AKAP6: variants seen among roughly 807,000 people sequenced by gnomAD.
AKAP6 encodes the protein A-kinase anchor protein 6.
In AKAP6, 58 loss-of-function variants were observed where a neutral mutation model predicts 188.5. The observed-to-expected ratio is 0.31, with a 90% CI of 0.25 to 0.38. The LOEUF (loss-of-function observed/expected upper bound fraction) is 0.38, where lower values mean the gene tolerates loss of function less well. Among genes scored for constraint, AKAP6 ranks in the 10% least tolerant of loss-of-function variants. The pLI is 1.00. For missense variants in AKAP6, 2,710 were observed against 2,740.0 expected, an observed-to-expected ratio of 0.99 and a Z score of 0.24; for synonymous variants, 989 against 998.6, an observed-to-expected ratio of 0.99 and a Z score of 0.18.
intron 3 of AKAP6, among the ~76,000 whole-genome samples, chr14:32,542,377 G>T (rs1447589512): frequency 6.6e-6 from 1 of 152,150 alleles, no homozygotes; most frequent in African/African-American, 2.4e-5. Context: ...TGTGCTACGA[G>T]TACCCTGGTA....
At chr14:32,656,520 A>C (rs916947845) in intron 7 of AKAP6, among the ~76,000 whole-genome samples, 40 of 152,196 alleles carry the variant, frequency 2.6e-4, no homozygotes, top group Non-Finnish European at 3.7e-4. Flanking sequence ...AGATTTATTC[A>C]GTCCTCACTG....
At chr14:32,500,628 T>C (rs1313818237) in intron 2 of AKAP6, among the ~76,000 whole-genome samples, 1 of 152,126 alleles carries the variant, frequency 6.6e-6, no homozygotes, top group East Asian at 1.9e-4. Flanking sequence ...TGGTGAAGAT[T>C]TGAGTACAGA....
intron 7 of AKAP6, among the ~76,000 whole-genome samples, chr14:32,631,481 A>G (rs1887271120): frequency 6.6e-6 from 1 of 152,112 alleles, no homozygotes; most frequent in Non-Finnish European, 1.5e-5. Flanking sequence ...ATGGCAAGAA[A>G]GTTAGTAAAC....
chr14:32,704,015 G>C (rs1198359210), intron 9 of AKAP6, among the ~76,000 whole-genome samples: 1 of 152,138 alleles, frequency 6.6e-6, no homozygotes, highest in Non-Finnish European at 1.5e-5. Context: ...TCTCCTGAAG[G>C]CTATCCGTTT....
At chr14:32,436,499 T>C (rs182727420) in intron 2 of AKAP6, among the ~76,000 whole-genome samples, 1 of 152,326 alleles carries the variant, frequency 6.6e-6, no homozygotes, top group East Asian at 1.9e-4. Context: ...AAAGTTACTC[T>C]CTTCTCTCCA....
intron 1 of AKAP6, among the ~76,000 whole-genome samples, chr14:32,428,527 A>G (rs1890110178): frequency 6.6e-6 from 1 of 152,128 alleles, no homozygotes; most frequent in South Asian, 2.1e-4. Flanking sequence ...GAGCCAAATG[A>G]TTAATCCTGA....
chr14:32,588,149 A>C (rs887215263), intron 5 of AKAP6, among the ~76,000 whole-genome samples: 2 of 152,212 alleles, frequency 1.3e-5, no homozygotes, highest in African/African-American at 4.8e-5. Flanking sequence ...GAACCTTTTT[A>C]TGGAAAAATG....
At chr14:32,724,420 C>CA (rs1318467694) in intron 9 of AKAP6, among the ~76,000 whole-genome samples, 22 of 152,140 alleles carry the variant, frequency 1.4e-4, no homozygotes, top group Non-Finnish European at 2.1e-4. Flanking sequence ...GAAGTGCATA[C>CA]GCCTGATCCA....
chr14:32,692,521 A>G (rs1890225747), intron 8 of AKAP6, among the ~76,000 whole-genome samples: 1 of 152,206 alleles, frequency 6.6e-6, no homozygotes, highest in South Asian at 2.1e-4. Flanking sequence ...TTAATATAGT[A>G]AAAACAAAAT....
At chr14:32,747,794 G>T (rs764564281) in intron 11 of AKAP6, among the ~76,000 whole-genome samples, 21 of 152,194 alleles carry the variant, frequency 1.4e-4, no homozygotes, top group Non-Finnish European at 2.1e-4. Context: ...AAAAGAAAAT[G>T]GAATAGCAGC....
intron 11 of AKAP6, among the ~76,000 whole-genome samples, chr14:32,746,105 T>C (rs1476519758): frequency 2.6e-5 from 4 of 152,096 alleles, no homozygotes; most frequent in Admixed American, 2.0e-4. Context: ...AGAAATGCCA[T>C]CTAAGAGTCA....
At chr14:32,332,602 A>T (rs1886565974) in intron 1 of AKAP6, among the ~76,000 whole-genome samples, 2 of 152,076 alleles carry the variant, frequency 1.3e-5, no homozygotes, top group Non-Finnish European at 2.9e-5. Context: ...GTCAGTAATG[A>T]TTCAGCTTTG....
chr14:32,504,359 C>A (rs1327583573), intron 2 of AKAP6, among the ~76,000 whole-genome samples: 7 of 152,134 alleles, frequency 4.6e-5, no homozygotes, highest in Non-Finnish European at 1.0e-4. Context: ...TGGGTCATGG[C>A]AACCTTTGCC....
intron 1 of AKAP6, among the ~76,000 whole-genome samples, chr14:32,401,786 A>C (rs889685345): frequency 1.3e-5 from 2 of 152,238 alleles, no homozygotes; most frequent in Non-Finnish European, 2.9e-5. Context: ...AATTTCAAAT[A>C]TACTCTGTGC....
At chr14:32,344,338 A>G (rs1053034785) in intron 1 of AKAP6, among the ~76,000 whole-genome samples, 1 of 152,244 alleles carries the variant, frequency 6.6e-6, no homozygotes, top group Non-Finnish European at 1.5e-5. Context: ...TCTAATGCCT[A>G]CATAGTGGCA....
intron 7 of AKAP6, among the ~76,000 whole-genome samples, chr14:32,639,677 A>G (rs1189388434): frequency 6.6e-6 from 1 of 152,186 alleles, no homozygotes; most frequent in Admixed American, 6.5e-5. Context: ...GGAGAAGTCC[A>G]AAGTGTTAGA....
chr14:32,717,747 G>A (rs745411597), intron 9 of AKAP6, among the ~76,000 whole-genome samples: 7 of 151,938 alleles, frequency 4.6e-5, no homozygotes, highest in Non-Finnish European at 8.8e-5. Context: ...GTTCTCTATG[G>A]TCTTAGTTTA....
At chr14:32,531,943 G>A (rs1485918587) in intron 2 of AKAP6, among the ~76,000 whole-genome samples, 1 of 152,162 alleles carries the variant, frequency 6.6e-6, no homozygotes, top group Non-Finnish European at 1.5e-5. Flanking sequence ...AATTGTGGGT[G>A]GAGCTTCTTT....
At chr14:32,379,587 CTCTT>C (rs1357600047) in intron 1 of AKAP6, among the ~76,000 whole-genome samples, 2 of 151,904 alleles carry the variant, frequency 1.3e-5, no homozygotes, top group Admixed American at 6.6e-5. Flanking sequence ...CCCTTTGATC[CTCTT>C]TAATGATGTC....
Sources: gnomAD v4.1 joint callset for allele counts (sites outside exome capture counted in the v4.1 genomes callset) on GRCh38, gnomAD v4.1.1 for gene constraint, MANE v1.5 for transcripts, NCBI Gene and HGNC (gene_info 2026-07-23, HGNC 2026-07-21) for gene names.